The following ZNF292 variants were observed in gnomAD, a reference collection of about 807,000 sequenced individuals.
The protein encoded by ZNF292 is zinc finger protein 292, also known as 16 zinc-finger domain protein.
ZNF292 carries 26 observed loss-of-function variants against 217.9 expected under a neutral mutation model. That is an observed-to-expected ratio of 0.12 (90% CI 0.09 to 0.17). The LOEUF (loss-of-function observed/expected upper bound fraction) is 0.17. ZNF292 is among the 10% of genes least tolerant of loss of function. The pLI is 1.00. For missense variants in ZNF292, 2,904 were observed against 3,175.2 expected (o/e 0.91, Z 2.05); for synonymous variants, 1,257 against 1,124.1 (o/e 1.12, Z -2.37).
At chr6:87,254,005 C>T (rs1775071615) in intron 7 of ZNF292, among the ~76,000 whole-genome samples, 1 of 152,158 alleles carries the variant, frequency 6.6e-6, no homozygotes, top group Admixed American at 6.5e-5. Flanking sequence ...ACCCCTACTC[C>T]TAATTCTTAA....
At chr6:87,187,786 T>C (rs930014570) in intron 1 of ZNF292, among the ~76,000 whole-genome samples, 2 of 151,234 alleles carry the variant, frequency 1.3e-5, no homozygotes, top group African/African-American at 4.9e-5. Flanking sequence ...GATTAAAAGC[T>C]GTGTTTACTA....
chr6:87,201,491 G>A (rs981985276), intron 1 of ZNF292, among the ~76,000 whole-genome samples: 26 of 152,010 alleles, frequency 1.7e-4, no homozygotes, highest in African/African-American at 6.3e-4. Context: ...CGCAACCTCC[G>A]CCTCCCGGGT....
intron 2 of ZNF292, 96 bp downstream of exon 2, chr6:87,216,153 AC>A (rs1562147008): frequency 5.2e-5 from 61 of 1,171,594 alleles, no homozygotes; most frequent in African/African-American, 4.6e-4. Context: ...ACACACACAC[AC>A]ACAACATTAA....
At chr6:87,194,119 G>A (rs1027065591) in intron 1 of ZNF292, among the ~76,000 whole-genome samples, 8 of 152,142 alleles carry the variant, frequency 5.3e-5, no homozygotes, top group African/African-American at 1.9e-4. Context: ...TTTTCATGTC[G>A]TATGTCTAGA....
intron 4 of ZNF292, among the ~76,000 whole-genome samples, chr6:87,232,703 G>A (rs1312637979): frequency 6.6e-6 from 1 of 151,708 alleles, no homozygotes; most frequent in Non-Finnish European, 1.5e-5. Flanking sequence ...TAAAAATAAC[G>A]ACATAAAACC....
intron 1 of ZNF292, among the ~76,000 whole-genome samples, chr6:87,177,255 A>G (rs1771331825): frequency 6.6e-6 from 1 of 151,100 alleles, no homozygotes; most frequent in African/African-American, 2.4e-5. Context: ...TGAACCTGGG[A>G]GGCGGAGTTT....
In ZNF292 at chr6:87,263,792, G is replaced by GA. The variant is rs1226667519; in HGVS notation, c.*1994dup. 6.6e-6 allele frequency: 1 copy of GA among 151,894 alleles called. No homozygotes were observed. The highest frequency in any genetic ancestry group is 1.5e-5 in the Non-Finnish European group (1 of 67,944). 9.4% of individuals were successfully genotyped at this position (151,894 alleles called of 1,614,324 possible). On this transcript the variant is annotated 3_prime_UTR_variant, in exon 8 of 8. Transcript: ENST00000369577. ...TGAATGTTTCCATACAGTTTTCTTA[G>GA]AAATTGACCTAGCTCTTAAAGGTGG...
intron 1 of ZNF292, among the ~76,000 whole-genome samples, chr6:87,160,360 T>A (rs558142661): frequency 6.6e-6 from 1 of 152,318 alleles, no homozygotes; most frequent in East Asian, 1.9e-4. Context: ...TATACTGGAC[T>A]GGCCGACTGG....
chr6:87,209,809 G>A (rs1772407167), intron 1 of ZNF292, among the ~76,000 whole-genome samples: 1 of 152,240 alleles, frequency 6.6e-6, no homozygotes, highest in African/African-American at 2.4e-5. Flanking sequence ...TTTGAATATG[G>A]TGAATGTCAG....
intron 5 of ZNF292, among the ~76,000 whole-genome samples, chr6:87,236,342 C>T (rs1020913096): frequency 7.9e-5 from 12 of 151,482 alleles, no homozygotes; most frequent in African/African-American, 2.9e-4. Context: ...TTTCCCAGGA[C>T]CCTTTCGGTG....
chr6:87,203,481 A>T (rs1313267844), intron 1 of ZNF292, among the ~76,000 whole-genome samples: 1 of 152,086 alleles, frequency 6.6e-6, no homozygotes, highest in African/African-American at 2.4e-5. Context: ...TTTCTAGGAT[A>T]ACACCTACTA....
chr6:87,249,859 G>A (rs970573345), intron 7 of ZNF292, among the ~76,000 whole-genome samples: 4 of 151,768 alleles, frequency 2.6e-5, no homozygotes, highest in African/African-American at 9.7e-5. Context: ...ACAGGCGGAC[G>A]CCACCATGCC....
chr6:87,222,679 T>C (rs1284571743), intron 4 of ZNF292: 2 of 367,934 alleles, frequency 5.4e-6, no homozygotes, highest in East Asian at 1.4e-4. Flanking sequence ...TTGTCACAAT[T>C]AATAAACTAA....
chr6:87,245,567 G>T lies in ZNF292; in HGVS notation c.943G>T (p.Glu315Ter). ...AGAACCATCTATACAAGTGTACCTT[G>T]AGAGGTGTCGTCAACTTTCTTTGTT... is the stretch of plus-strand genomic sequence containing the variant. ...RVEPSIQVYLERCRQLSLLTK... is the reference protein window; with the variant it reads ...RVEPSIQVYL Residue 315 changes from glutamate (E) to a stop codon, truncating the protein, a stop_gained, in exon 7 of 8, where the codon GAG becomes TAG. Coordinates refer to ENST00000369577, the MANE Select transcript of ZNF292 (RefSeq NM_015021.3). LOFTEE classifies it high-confidence loss of function. The T allele has an allele frequency of 6.4e-7, 1 of 1,566,992 alleles. No individual in the cohort carries two copies.
chr6:87,245,052 C>A (rs1774501750), intron 6 of ZNF292, among the ~76,000 whole-genome samples: 1 of 152,024 alleles, frequency 6.6e-6, no homozygotes, highest in South Asian at 2.1e-4. Context: ...ACCAGCCTGG[C>A]CAACATGGTG....
At position 87,261,659 on chromosome 6, in the gene ZNF292, G is replaced by T; in HGVS notation, c.8030G>T (p.Cys2677Phe). ...KIVLDKNLKDCTELVLKQLQE... is the reference protein window; with the variant it reads ...KIVLDKNLKDFTELVLKQLQE... Reference sequence around the variant, plus strand: ...GTTTTAGACAAGAATCTTAAAGATTGCACTGAGCTTGTCTTAAAGCAACTT... The same window carrying T: ...GTTTTAGACAAGAATCTTAAAGATTTCACTGAGCTTGTCTTAAAGCAACTT... The change falls in exon 8 of 8, where the codon TGC becomes TTC. Residue 2677 changes from cysteine (C) to phenylalanine (F), a missense_variant. Physicochemically the swap from Cys to Phe is radical, Grantham distance 205. Coordinates refer to ENST00000369577, the MANE Select transcript of ZNF292 (RefSeq NM_015021.3). 3.1e-6 allele frequency: 5 copies of T among 1,612,496 alleles called. No homozygotes were observed. The highest frequency in any genetic ancestry group is 4.2e-6 in the Non-Finnish European group (5 of 1,179,134).
intron 3 of ZNF292, among the ~76,000 whole-genome samples, chr6:87,217,156 A>G (rs1475331361): frequency 2.0e-4 from 30 of 152,034 alleles, no homozygotes; most frequent in Admixed American, 2.0e-3. Flanking sequence ...TTAGGCCTTA[A>G]GATTTTCTGT....
chr6:87,164,793 T>G (rs9294373), intron 1 of ZNF292, among the ~76,000 whole-genome samples: 1 of 146,576 alleles, frequency 6.8e-6, no homozygotes, highest in African/African-American at 2.6e-5. Context: ...TATGGAGTCT[T>G]GCTCTGTCGC....
intron 5 of ZNF292, among the ~76,000 whole-genome samples, chr6:87,241,003 G>A (rs561125234): frequency 6.6e-6 from 1 of 152,314 alleles, no homozygotes; most frequent in South Asian, 2.1e-4. Flanking sequence ...TATTAGCATT[G>A]GCTGAGCACC....
Sources: gnomAD v4.1 joint callset for allele counts (sites outside exome capture counted in the v4.1 genomes callset) on GRCh38, gnomAD v4.1.1 for gene constraint, MANE v1.5 for transcripts, NCBI Gene and HGNC (gene_info 2026-07-23, HGNC 2026-07-21) for gene names.